Variants in ADSS2 observed in about 807,000 individuals in gnomAD.
The protein encoded by ADSS2 is adenylosuccinate synthetase isozyme 2.
A neutral mutation model predicts 60.0 loss-of-function variants in ADSS2; 30 were observed. The observed-to-expected ratio is 0.50, with a 90% CI of 0.37 to 0.68. The LOEUF is 0.68. ADSS2 is among the 30% of genes least tolerant of loss of function. The pLI is 0.00. For synonymous variants in ADSS2, 187 were observed against 193.1 expected, an observed-to-expected ratio of 0.97 and a Z score of 0.26; for missense variants, 373 against 554.8, an observed-to-expected ratio of 0.67 and a Z score of 3.29.
At chr1:244,451,956 C>A, upstream of ADSS2, 1 of 890,776 alleles carries the variant, frequency 1.1e-6, no homozygotes, top group South Asian at 1.9e-5. This position sits in a 1 kb window ranked among gnomAD's most constrained non-coding sequence, Gnocchi z 6.6. Flanking sequence ...GCCGGGCCGC[C>A]ACCCTCCAGC....
chr1:244,434,981 A>G (rs977069163), intron 3 of ADSS2, among the ~76,000 whole-genome samples: 2 of 151,952 alleles, frequency 1.3e-5, no homozygotes, highest in Non-Finnish European at 2.9e-5. Flanking sequence ...ATCCTGGCTA[A>G]CACGGTGAAA....
chr1:244,437,691 A>C lies in ADSS2; in HGVS notation c.261T>G (p.Ile87Met). Reference sequence around the variant, plus strand: ...CAATGAATGCAGTGACATTTGGATTAATTATTCCACTGGGTAAGAGATGAA... The same window carrying C: ...CAATGAATGCAGTGACATTTGGATTCATTATTCCACTGGGTAAGAGATGAA... ...YDFHLLPSGIINPNVTAFIGN... is the reference protein window; with the variant it reads ...YDFHLLPSGIMNPNVTAFIGN... Residue 87 changes from isoleucine to methionine, a missense_variant, in exon 2 of 13, where the codon ATT becomes ATG. By Grantham distance (10) the Ile-to-Met change is conservative. Around this residue, in one of 5 missense-constraint regions of ADSS2, gnomAD observed 139 missense variants for 189.4 expected, o/e 0.73. Coordinates refer to ENST00000366535, the MANE Select transcript of ADSS2 (RefSeq NM_001126.5). 1.3e-6 allele frequency: 2 copies of C among 1,598,678 alleles called. No individual in the cohort carries two copies. Among genetic ancestry groups the C allele is most frequent in the Non-Finnish European group, 1.7e-6 (2 of 1,166,566 alleles).
At chr1:244,435,280 C>T (rs77312555) in intron 3 of ADSS2, among the ~76,000 whole-genome samples, 10,486 of 148,330 alleles carry the variant, frequency 0.071, 563 homozygotes, top group East Asian at 0.16. Flanking sequence ...TAATGATTTT[C>T]CTCAATTATG....
intron 11 of ADSS2, 86 bp downstream of exon 11, chr1:244,415,895 T>C (rs1030649289): frequency 1.0e-6 from 1 of 992,510 alleles, no homozygotes; most frequent in African/African-American, 1.6e-5. Context: ...TCGCTATCTA[T>C]CACAAATTAT....
intron 1 of ADSS2, among the ~76,000 whole-genome samples, chr1:244,450,150 C>G (rs1369626132): frequency 6.6e-6 from 1 of 152,232 alleles, no homozygotes; most frequent in East Asian, 1.9e-4. Context: ...TCGGATACGT[C>G]TTCCCCACAG....
At chr1:244,420,129 C>A in intron 8 of ADSS2, 41 bp downstream of exon 8, 1 of 1,576,612 alleles carries the variant, frequency 6.3e-7, no homozygotes, top group Non-Finnish European at 8.6e-7. Context: ...CTACTTAGGG[C>A]TCAGTTAAGC....
At chr1:244,433,968 T>C (rs1202681469) in intron 3 of ADSS2, among the ~76,000 whole-genome samples, 1 of 151,740 alleles carries the variant, frequency 6.6e-6, no homozygotes, top group African/African-American at 2.4e-5. Context: ...GTGAGGTATA[T>C]CTGTCCCCCC....
rs200668793 is a variant in ADSS2, at chr1:244,432,533, T to C, written c.406+12A>G. Reference sequence around the variant, plus strand: ...AAGATAGTTACAAATAAATGCAATATATCCACCTTACCAATATGAGCTCTG... The same window carrying C: ...AAGATAGTTACAAATAAATGCAATACATCCACCTTACCAATATGAGCTCTG... On this transcript the variant is annotated intron_variant, in intron 4 of 12. Coordinates refer to ENST00000366535, the MANE Select transcript of ADSS2 (RefSeq NM_001126.5). 128 of 1,543,944 alleles carry C rather than the reference T, an allele frequency of 8.3e-5. 1 individual carries two copies. The Middle Eastern group carries it at 1.2e-3, about 15-fold the overall frequency.
chr1:244,442,687 G>A (rs184541079), intron 1 of ADSS2, among the ~76,000 whole-genome samples: 1 of 152,154 alleles, frequency 6.6e-6, no homozygotes, highest in Non-Finnish European at 1.5e-5. Context: ...AACTGAGAAA[G>A]AGCTGCTCAT....
intron 1 of ADSS2, among the ~76,000 whole-genome samples, chr1:244,438,854 A>G (rs1265348469): frequency 6.6e-6 from 1 of 152,180 alleles, no homozygotes; most frequent in African/African-American, 2.4e-5. Context: ...ATATCCAGGT[A>G]AATATGGTAT....
chr1:244,413,806 A>G (rs1414686851), intron 11 of ADSS2, among the ~76,000 whole-genome samples: 1 of 152,178 alleles, frequency 6.6e-6, no homozygotes, highest in Admixed American at 6.5e-5. Context: ...GACAGGGTAC[A>G]CTGGTGCTCC....
At chr1:244,419,527 C>T (rs531836513) in intron 8 of ADSS2, among the ~76,000 whole-genome samples, 13 of 152,172 alleles carry the variant, frequency 8.5e-5, no homozygotes, top group Non-Finnish European at 1.5e-4. Flanking sequence ...TACATATCTA[C>T]CATACAGAAA....
intron 1 of ADSS2, among the ~76,000 whole-genome samples, chr1:244,439,273 G>A (rs1243533956): frequency 6.6e-6 from 1 of 152,168 alleles, no homozygotes; most frequent in Non-Finnish European, 1.5e-5. Flanking sequence ...TTTATGTGGA[G>A]TTTAATATAT....
At chr1:244,418,628 T>C (rs1664592174) in intron 9 of ADSS2, 132 bp downstream of exon 9, 6 of 944,840 alleles carry the variant, frequency 6.4e-6, no homozygotes, top group Admixed American at 3.5e-5. Context: ...GCCAAAATTA[T>C]GTATTTAAGA....
At chr1:244,442,177 C>A (rs12734490) in intron 1 of ADSS2, among the ~76,000 whole-genome samples, 1 of 151,762 alleles carries the variant, frequency 6.6e-6, no homozygotes, top group Admixed American at 6.6e-5. Flanking sequence ...ACTCTCTTAG[C>A]TAATATTTTA....
At position 244,436,829 on chromosome 1, in the gene ADSS2, T is replaced by C. The variant is rs748329238; in HGVS notation, c.351A>G (p.Gly117=). The change falls in exon 3 of 13, where the codon GGA becomes GGG. Residue 117 remains glycine (G), a synonymous_variant. Coordinates refer to ENST00000366535, the MANE Select transcript of ADSS2 (RefSeq NM_001126.5). ...FEEAEKNVQK[G]KGLEGWEKRL... is the part of the protein sequence containing the mutation. The stretch of plus-strand genomic sequence containing the variant: ...AGTAGACTCATTCTTTCATACCTTT[T>C]CCTTTTTGAACATTTTTCTCTGCTT... The C allele has an allele frequency of 1.2e-6, 2 of 1,610,514 alleles. No homozygotes were observed. The highest frequency in any genetic ancestry group is 2.2e-5 in the East Asian group (1 of 44,704).
chr1:244,436,697 A>G (rs969114005), intron 3 of ADSS2, 128 bp downstream of exon 3: 13 of 657,468 alleles, frequency 2.0e-5, no homozygotes, highest in Admixed American at 6.1e-5. Flanking sequence ...AATAACTGAC[A>G]TTAAAAATTC....
At chr1:244,436,370 T>C (rs1665101190) in intron 3 of ADSS2, among the ~76,000 whole-genome samples, 1 of 152,216 alleles carries the variant, frequency 6.6e-6, no homozygotes, top group Non-Finnish European at 1.5e-5. Context: ...GGATATATTG[T>C]ATAAAAGCAG....
chr1:244,432,813 C>T (rs992602661), intron 3 of ADSS2, among the ~76,000 whole-genome samples: 2 of 151,658 alleles, frequency 1.3e-5, no homozygotes, highest in African/African-American at 2.4e-5. Context: ...TACAGGCACC[C>T]GCCACCACAC....
Sources: gnomAD v4.1 joint callset for allele counts (sites outside exome capture counted in the v4.1 genomes callset) on GRCh38, gnomAD v4.1.1 for gene constraint, gnomAD v4.1.1 regional missense constraint, Gnocchi (gnomAD v3.1) non-coding constraint, MANE v1.5 for transcripts, NCBI Gene and HGNC (gene_info 2026-07-23, HGNC 2026-07-21) for gene names.